Variants in SPATA25 observed in about 807,000 individuals in gnomAD.
SPATA25 encodes spermatogenesis-associated protein 25.
In SPATA25, 16 loss-of-function variants were observed where a neutral mutation model predicts 16.0. The observed-to-expected ratio is 1.00, with a 90% CI of 0.68 to 1.52. The LOEUF (loss-of-function observed/expected upper bound fraction) is 1.52. SPATA25 is among the 40% of genes most tolerant of loss of function. The probability of loss-of-function intolerance (pLI) is 0.00; values close to 1 mark genes in which losing one functional copy is unlikely to be tolerated. For missense variants in SPATA25, 285 were observed against 289.2 expected, an observed-to-expected ratio of 0.99 and a Z score of 0.11; for synonymous variants, 115 against 118.5, an observed-to-expected ratio of 0.97 and a Z score of 0.19.
rs748616982 is a variant in SPATA25 at position 45,887,536 on chromosome 20, C to A, written c.55G>T (p.Gly19Cys). 7 of 1,613,576 alleles carry A rather than the reference C, an allele frequency of 4.3e-6. No individual in the cohort carries two copies. Among genetic ancestry groups the A allele is most frequent in the South Asian group, 3.3e-5 (3 of 90,936 alleles). Residue 19 changes from glycine (G) to cysteine (C), a missense_variant and splice_region_variant, in exon 1 of 2, where the codon GGT becomes TGT. Transcript: ENST00000372519. ...THPGPLPSGQ[G>C]GAASPGLSLG... ...CCAATTGCAGGTGCCCCCCGCTCAC[C>A]TTGGCCGGAAGGCAGAGGACCTGGA...
At chr20:45,887,446 C>T in intron 1 of SPATA25, 90 bp downstream of exon 1, 2 of 1,306,036 alleles carry the variant, frequency 1.5e-6, no homozygotes, top group Middle Eastern at 2.1e-4. Flanking sequence ...CCCCAAATGC[C>T]CAGCAGAACC....
chr20:45,889,348 CTTTT>C (rs947413478), upstream of SPATA25, among the ~76,000 whole-genome samples: 2 of 148,652 alleles, frequency 1.3e-5, no homozygotes, highest in Non-Finnish European at 2.9e-5. Flanking sequence ...ATGTTTCTTT[CTTTT>C]CTTTCTTTTT....
upstream of SPATA25, chr20:45,890,490 A>G (rs961855068): frequency 5.0e-6 from 8 of 1,598,714 alleles, no homozygotes; most frequent in Admixed American, 5.1e-5. Flanking sequence ...AGATGGCTGT[A>G]GAGCCCTGGC....
At chr20:45,888,644 A>G, upstream of SPATA25, 1 of 955,886 alleles carries the variant, frequency 1.0e-6, no homozygotes, top group Non-Finnish European at 1.6e-6. Flanking sequence ...TCAAGATGTC[A>G]GCATCGGCTG....
upstream of SPATA25, chr20:45,890,414 A>G (rs778987917): frequency 6.2e-7 from 1 of 1,611,960 alleles, no homozygotes. Flanking sequence ...CGGGCAAAAG[A>G]GGACACCCAG....
rs1986497771 is a variant in SPATA25 at position 45,886,886 on chromosome 20, G to T, written c.315C>A (p.Asp105Glu). ...GGGCTCTGCTTCTGGAGTAGCCATT[G>T]TCCCAGCCCAAGCTCTCCAGCTGCC... ...HVRQLESLGW[D>E]NGYSRSRAPD... The change falls in exon 2 of 2, where the codon GAC (aspartate) becomes GAA (glutamate). Residue 105 changes from aspartate to glutamate, a missense_variant. Asp to Glu is a conservative substitution (Grantham distance 45). Coordinates refer to ENST00000372519, the MANE Select transcript of SPATA25 (RefSeq NM_080608.4). 6.2e-7 allele frequency: 1 copy of T among 1,614,046 alleles called. No individual in the cohort carries two copies. Among genetic ancestry groups the T allele is most frequent in the African/African-American group, 1.3e-5 (1 of 74,960 alleles).
At chr20:45,888,631 T>G, upstream of SPATA25, 1 of 845,396 alleles carries the variant, frequency 1.2e-6, no homozygotes, top group Non-Finnish European at 1.9e-6. Flanking sequence ...GACCTTCCAG[T>G]GATCAAGATG....
rs147019870 is a variant in SPATA25, at chr20:45,886,856, G to A, written c.345C>T (p.Asp115=). The change falls in exon 2 of 2, where the codon GAC becomes GAT. Residue 115 remains aspartate (D), a synonymous_variant. Transcript: ENST00000372519. ...DNGYSRSRAP[D]LGGPSRPRPL... is the part of the protein sequence containing the mutation. ...GCCTAGGCCTGCTGGGGCCACCCAG[G>A]TCAGGGGCTCTGCTTCTGGAGTAGC... The A allele has an allele frequency of 6.2e-7, 1 of 1,613,996 alleles. No individual in the cohort carries two copies. The highest frequency in any genetic ancestry group is 1.1e-5 in the South Asian group (1 of 91,090).
At position 45,886,989 on chromosome 20, in the gene SPATA25, C is replaced by T. The variant is rs759187645; in HGVS notation, c.212G>A (p.Arg71Lys). ...WGPALAMPQA[R>K]GCPGGTSWET... is the part of the protein sequence containing the mutation. ...CCAGCTAGTCCCCCCAGGGCAGCCC[C>T]TGGCTTGTGGCATTGCCAGGGCTGG... The change falls in exon 2 of 2, where the codon AGG becomes AAG. Residue 71 changes from arginine (R) to lysine (K), a missense_variant. Physicochemically the swap from Arg to Lys is conservative, Grantham distance 26. Transcript: ENST00000372519. The T allele has an allele frequency of 1.9e-6, 3 of 1,613,784 alleles. No homozygotes were observed. In the African/African-American group the frequency reaches 4.0e-5, roughly 22 times the overall value.
rs562219189 is a variant in SPATA25 at position 45,887,362 on chromosome 20, C to G, written c.55+174G>C. 2.6e-5 allele frequency among the ~76,000 whole-genome samples: 4 copies of G among 152,330 alleles called. No individual in the cohort carries two copies. In the South Asian group the frequency reaches 8.3e-4, roughly 32 times the overall value. On this transcript the variant is annotated intron_variant, in intron 1 of 1. Transcript: ENST00000372519. ...GTTTGTTGAATTAATGAATAGTGAG[C>G]AAGCGGGTAGTTATTGATTGGCAAG... is the stretch of plus-strand genomic sequence containing the variant.
chr20:45,886,581 G>A lies in SPATA25; in HGVS notation c.620C>T (p.Thr207Ile). 1 of 1,612,266 alleles carries A rather than the reference G, an allele frequency of 6.2e-7. No homozygotes were observed. Among genetic ancestry groups the A allele is most frequent in the Non-Finnish European group, 8.5e-7 (1 of 1,179,018 alleles). ...GARWEQAHAH[T>I]ASGKMPLVRS... The stretch of plus-strand genomic sequence containing the variant: ...CACTAGGGGCATCTTCCCAGAGGCT[G>A]TGTGGGCATGTGCCTGCTCCCACCG... The change falls in exon 2 of 2, where the codon ACA (threonine) becomes ATA (isoleucine). Residue 207 changes from threonine (T) to isoleucine (I), a missense_variant. Physicochemically the swap from Thr to Ile is moderately conservative, Grantham distance 89. Coordinates refer to ENST00000372519, the MANE Select transcript of SPATA25 (RefSeq NM_080608.4).
chr20:45,888,638 G>T, upstream of SPATA25: 1 of 905,152 alleles, frequency 1.1e-6, no homozygotes. Context: ...CAGTGATCAA[G>T]ATGTCAGCAT....
At chr20:45,887,753 G>A (rs1387333846), upstream of SPATA25, 2 of 535,290 alleles carry the variant, frequency 3.7e-6, no homozygotes, top group Non-Finnish European at 6.4e-6. Context: ...ACAATAGGAT[G>A]AGGTTAAAAG....
At chr20:45,890,272 G>A, upstream of SPATA25, 4 of 1,613,786 alleles carry the variant, frequency 2.5e-6, no homozygotes, top group Non-Finnish European at 3.4e-6. Context: ...GCTGGACAAG[G>A]CGCACGCTCT....
rs1255869795 is a variant in SPATA25, at chr20:45,887,578, T to G, written c.13A>C (p.Arg5=). MSYF[R]TPQTHPGPLP... ...GGACCTGGATGAGTTTGTGGAGTCCTGAAGTAGGACATGGCTTCCCCAAAG... is the reference window on the plus strand; with the variant it reads ...GGACCTGGATGAGTTTGTGGAGTCCGGAAGTAGGACATGGCTTCCCCAAAG... Residue 5 remains arginine, a synonymous_variant, in exon 1 of 2, where the codon AGG becomes CGG. Coordinates refer to ENST00000372519, the MANE Select transcript of SPATA25 (RefSeq NM_080608.4). 6.2e-7 allele frequency: 1 copy of G among 1,613,622 alleles called. No homozygotes were observed. The highest frequency in any genetic ancestry group is 1.3e-5 in the African/African-American group (1 of 74,934).
At chr20:45,890,247 T>G (rs1328544609), upstream of SPATA25, 1 of 1,613,868 alleles carries the variant, frequency 6.2e-7, no homozygotes, top group Admixed American at 1.7e-5. Flanking sequence ...CAGGGATACC[T>G]ACAGCCATAC....
upstream of SPATA25, chr20:45,889,003 A>G: frequency 9.8e-7 from 1 of 1,020,424 alleles, no homozygotes; most frequent in Non-Finnish European, 1.4e-6. Flanking sequence ...CTCTGGGCCC[A>G]GCCTGCTTCA....
At chr20:45,890,978 G>T, upstream of SPATA25, 1 of 1,491,982 alleles carries the variant, frequency 6.7e-7, no homozygotes, top group African/African-American at 1.4e-5. Context: ...CACGGGCTCG[G>T]AGGCAGCAGC....
upstream of SPATA25, chr20:45,888,493 G>C (rs1281566379): frequency 2.3e-6 from 1 of 430,308 alleles, no homozygotes; most frequent in Non-Finnish European, 4.2e-6. Context: ...TGGGACACCA[G>C]CACTCTTTAC....
Sources: allele counts gnomAD v4.1 joint callset (sites outside exome capture counted in the v4.1 genomes callset), GRCh38; gene constraint gnomAD v4.1.1; transcripts MANE v1.5; gene names NCBI Gene and HGNC (gene_info 2026-07-23, HGNC 2026-07-21).